The following NXPE2 variants were observed in gnomAD, a reference collection of about 807,000 sequenced individuals.
The protein encoded by NXPE2 is NXPE family member 2.
In NXPE2, 34 loss-of-function variants were observed where a neutral mutation model predicts 34.4. The ratio of observed to expected loss-of-function variants is 0.99; its 90% CI spans 0.75 to 1.31. The LOEUF (loss-of-function observed/expected upper bound fraction) is 1.31, where lower values mean the gene tolerates loss of function less well. Ranked by LOEUF, NXPE2 falls within the 40% of genes most tolerant of loss-of-function variation. The probability of loss-of-function intolerance (pLI) is 0.00; values close to 1 mark genes in which losing one functional copy is unlikely to be tolerated. For missense variants in NXPE2, 649 were observed against 672.5 expected, an observed-to-expected ratio of 0.97 and a Z score of 0.39; for synonymous variants, 235 against 231.3, an observed-to-expected ratio of 1.02 and a Z score of -0.15.
At chr11:114,609,434 C>A in the NXPE2 span, among the ~76,000 whole-genome samples, 6 of 151,786 alleles carry the variant, frequency 4.0e-5, no homozygotes, top group Non-Finnish European at 5.9e-5. Context: ...ATAAGTGTTG[C>A]CTCTCTGGTA....
chr11:114,712,847 A>T, the NXPE2 span, among the ~76,000 whole-genome samples: 1 of 152,222 alleles, frequency 6.6e-6, no homozygotes, highest in African/African-American at 2.4e-5. Flanking sequence ...TCACAAGACT[A>T]TTTCCAATAG....
At chr11:114,601,190 C>A in the NXPE2 span, among the ~76,000 whole-genome samples, 1 of 151,468 alleles carries the variant, frequency 6.6e-6, no homozygotes, top group East Asian at 1.9e-4. Flanking sequence ...GTACCTGTCA[C>A]TCAAATAGCA....
At chr11:114,792,277 A>G in the NXPE2 span, among the ~76,000 whole-genome samples, 1 of 152,142 alleles carries the variant, frequency 6.6e-6, no homozygotes, top group Admixed American at 6.5e-5. Context: ...AATTTTTATC[A>G]TAATGATTGC....
chr11:114,494,518 C>CT, the NXPE2 span, among the ~76,000 whole-genome samples: 3 of 152,066 alleles, frequency 2.0e-5, no homozygotes, highest in Non-Finnish European at 2.9e-5. Context: ...GACCAATTGC[C>CT]TTTTTCAGCT....
the NXPE2 span, among the ~76,000 whole-genome samples, chr11:114,620,441 C>G: frequency 6.6e-6 from 1 of 151,920 alleles, no homozygotes; most frequent in Non-Finnish European, 1.5e-5. Context: ...CCACTGTTAC[C>G]CAGTGGGTAT....
chr11:114,491,163 C>T, the NXPE2 span, among the ~76,000 whole-genome samples: 27 of 31,052 alleles, frequency 8.7e-4, no homozygotes, highest in South Asian at 2.1e-3. Flanking sequence ...AGCGAGACTC[C>T]GTCTCAAAAA....
At chr11:114,524,401 G>A in the NXPE2 span, among the ~76,000 whole-genome samples, 2 of 152,204 alleles carry the variant, frequency 1.3e-5, no homozygotes, top group Non-Finnish European at 2.9e-5. Context: ...CCACAGAATA[G>A]TGCATCATTA....
intron 4 of NXPE2, among the ~76,000 whole-genome samples, chr11:114,704,778 A>G (rs1460178476): frequency 6.6e-6 from 1 of 152,240 alleles, no homozygotes; most frequent in African/African-American, 2.4e-5. Context: ...TTCACAATCT[A>G]TGAAGAAGAC....
the NXPE2 span, among the ~76,000 whole-genome samples, chr11:114,664,864 T>A: frequency 6.6e-6 from 1 of 152,170 alleles, no homozygotes; most frequent in East Asian, 1.9e-4. Context: ...TACTCTACAG[T>A]GTACTACTGG....
At chr11:114,618,576 C>T in the NXPE2 span, among the ~76,000 whole-genome samples, 74 of 152,110 alleles carry the variant, frequency 4.9e-4, no homozygotes, top group African/African-American at 1.7e-3. Flanking sequence ...ATAAGTATTG[C>T]CTCGTGGGTA....
At chr11:114,475,152 G>A in the NXPE2 span, among the ~76,000 whole-genome samples, 3 of 133,716 alleles carry the variant, frequency 2.2e-5, no homozygotes, top group Non-Finnish European at 3.3e-5. Context: ...CTACGTTTGG[G>A]TCAGTTTCCA....
chr11:114,604,819 G>A, the NXPE2 span, among the ~76,000 whole-genome samples: 2 of 152,046 alleles, frequency 1.3e-5, no homozygotes, highest in Non-Finnish European at 2.9e-5. Flanking sequence ...CTGTTACCTG[G>A]TGGATAATAA....
the NXPE2 span, among the ~76,000 whole-genome samples, chr11:114,543,919 T>C: frequency 6.6e-6 from 1 of 152,196 alleles, no homozygotes; most frequent in Admixed American, 6.5e-5. Context: ...AAAATTTAAT[T>C]GTTTTGCTAT....
the NXPE2 span, among the ~76,000 whole-genome samples, chr11:114,470,485 T>C: frequency 6.6e-6 from 1 of 152,190 alleles, no homozygotes; most frequent in Non-Finnish European, 1.5e-5. Context: ...TATTTATTTG[T>C]TATCTGTATG....
chr11:114,632,764 T>TTATTAATTA, the NXPE2 span, among the ~76,000 whole-genome samples: 1 of 8,468 alleles, frequency 1.2e-4, no homozygotes, highest in Non-Finnish European at 1.9e-4. Context: ...ATATCATATA[T>TTATTAATTA]TATATAATTA....
the NXPE2 span, among the ~76,000 whole-genome samples, chr11:114,568,898 T>C: frequency 6.6e-6 from 1 of 152,144 alleles, no homozygotes; most frequent in Non-Finnish European, 1.5e-5. Flanking sequence ...TATAAAATCT[T>C]TGATGGCAGA....
the NXPE2 span, among the ~76,000 whole-genome samples, chr11:114,778,299 TAGAC>T: frequency 1.3e-5 from 2 of 152,276 alleles, no homozygotes; most frequent in Non-Finnish European, 2.9e-5. Flanking sequence ...ATGAGAGAGT[TAGAC>T]AGGGTCAAAA....
chr11:114,475,661 G>T, the NXPE2 span, among the ~76,000 whole-genome samples: 1 of 152,128 alleles, frequency 6.6e-6, no homozygotes, highest in Non-Finnish European at 1.5e-5. Context: ...CATATCTAGA[G>T]TCTTTCCAAC....
chr11:114,784,038 G>C, the NXPE2 span, among the ~76,000 whole-genome samples: 1 of 152,174 alleles, frequency 6.6e-6, no homozygotes, highest in Non-Finnish European at 1.5e-5. Context: ...TGCTTTGTAA[G>C]CATAAACCCT....
Sources: allele counts gnomAD v4.1 joint callset (sites outside exome capture counted in the v4.1 genomes callset), GRCh38; gene constraint gnomAD v4.1.1; transcripts MANE v1.5; gene names NCBI Gene and HGNC (gene_info 2026-07-23, HGNC 2026-07-21).